POLR3B: variants seen among roughly 807,000 people sequenced by gnomAD.
POLR3B encodes RNA polymerase III subunit B, also known as DNA-directed RNA polymerase III subunit RPC2.
A neutral mutation model predicts 147.4 loss-of-function variants in POLR3B; 96 were observed. The ratio of observed to expected loss-of-function variants is 0.65; its 90% confidence interval spans 0.55 to 0.77. POLR3B has a LOEUF of 0.77. Ranked by LOEUF, POLR3B falls within the 30% of genes least tolerant of loss-of-function variation. The pLI is 0.00. For synonymous variants in POLR3B, 461 were observed against 485.9 expected, an observed-to-expected ratio of 0.95 and a Z score of 0.67; for missense variants, 1,036 against 1,413.5, an observed-to-expected ratio of 0.73 and a Z score of 4.28.
At chr12:106,490,023 G>A (rs1370834160) in intron 23 of POLR3B, among the ~76,000 whole-genome samples, 1 of 152,106 alleles carries the variant, frequency 6.6e-6, no homozygotes, top group African/African-American at 2.4e-5. Flanking sequence ...TATTAAATCA[G>A]GGTTTCTTCG....
At chr12:106,388,608 G>A (rs2036874900) in intron 9 of POLR3B, among the ~76,000 whole-genome samples, 1 of 152,180 alleles carries the variant, frequency 6.6e-6, no homozygotes, top group Non-Finnish European at 1.5e-5. Context: ...GAGCCAATGT[G>A]CCTGGCTGAA....
chr12:106,467,293 T>G (rs1242263321), intron 23 of POLR3B, among the ~76,000 whole-genome samples: 1 of 152,160 alleles, frequency 6.6e-6, no homozygotes, highest in Non-Finnish European at 1.5e-5. Flanking sequence ...GATTTTTGCA[T>G]ATTGATTTTG....
At chr12:106,366,355 T>G (rs995323491) in intron 2 of POLR3B, among the ~76,000 whole-genome samples, 161 bp from the exon 3 acceptor site, 1 of 152,232 alleles carries the variant, frequency 6.6e-6, no homozygotes, top group Admixed American at 6.5e-5. Flanking sequence ...TGAAAAGATT[T>G]ATTAAATAAA....
chr12:106,493,058 G>A (rs1290187353), intron 23 of POLR3B, among the ~76,000 whole-genome samples: 1 of 152,106 alleles, frequency 6.6e-6, no homozygotes, highest in African/African-American at 2.4e-5. Flanking sequence ...CTTGAGCCAG[G>A]GGATGAAATT....
intron 27 of POLR3B, among the ~76,000 whole-genome samples, chr12:106,506,431 A>G (rs976436966): frequency 1.3e-5 from 2 of 152,288 alleles, no homozygotes; most frequent in Non-Finnish European, 2.9e-5. Context: ...AAAAGAAAAC[A>G]GTCAACCCGA....
At chr12:106,485,861 A>G (rs1212393395) in intron 23 of POLR3B, among the ~76,000 whole-genome samples, 1 of 152,124 alleles carries the variant, frequency 6.6e-6, no homozygotes, top group African/African-American at 2.4e-5. Flanking sequence ...AAATTGAGGA[A>G]TCATTTGCAT....
At chr12:106,456,262 C>T (rs2037861964) in intron 20 of POLR3B, among the ~76,000 whole-genome samples, 1 of 152,070 alleles carries the variant, frequency 6.6e-6, no homozygotes, top group African/African-American at 2.4e-5. Context: ...TTTAGGGATT[C>T]AGTGGTTGAG....
intron 16 of POLR3B, among the ~76,000 whole-genome samples, chr12:106,435,560 C>T (rs2037566224): frequency 6.6e-6 from 1 of 152,058 alleles, no homozygotes; most frequent in Non-Finnish European, 1.5e-5. Context: ...TGTTTGAATC[C>T]TAACTTCCCA....
chr12:106,468,793 T>C (rs2137042460), intron 23 of POLR3B, among the ~76,000 whole-genome samples: 1 of 152,360 alleles, frequency 6.6e-6, no homozygotes, highest in East Asian at 1.9e-4. Flanking sequence ...TTGATTGTGC[T>C]GTGGTCTGAG....
At chr12:106,384,160 C>G (rs2036802511) in intron 9 of POLR3B, among the ~76,000 whole-genome samples, 1 of 151,870 alleles carries the variant, frequency 6.6e-6, no homozygotes, top group African/African-American at 2.4e-5. Flanking sequence ...GAAGCAGGGA[C>G]AAACCTTAAA....
intron 16 of POLR3B, among the ~76,000 whole-genome samples, chr12:106,436,696 A>T (rs1200612498): frequency 1.3e-5 from 2 of 152,192 alleles, no homozygotes; most frequent in African/African-American, 4.8e-5. Flanking sequence ...ACCGTTTTTT[A>T]AAATATGGCA....
intron 12 of POLR3B, among the ~76,000 whole-genome samples, chr12:106,419,687 A>T (rs2037348757): frequency 6.6e-6 from 1 of 152,074 alleles, no homozygotes; most frequent in African/African-American, 2.4e-5. Flanking sequence ...AAGGGAAAAA[A>T]CTAATAGAAT....
At chr12:106,380,181 C>G (rs1443036909) in intron 9 of POLR3B, 42 bp downstream of exon 9, 1 of 1,118,108 alleles carries the variant, frequency 8.9e-7, no homozygotes, top group African/African-American at 1.5e-5. Flanking sequence ...AGAATTCTTT[C>G]TCTGGTTTAT....
Position 106,509,542 on chromosome 12 carries a change from A to G in POLR3B, c.3395A>G (p.Asn1132Ser), listed in dbSNP as rs200967068. The G allele has an allele frequency of 3.1e-6, 5 of 1,612,408 alleles. No homozygotes were observed. The East Asian group carries it at 8.9e-5, about 29-fold the overall frequency. Residue 1132 changes from asparagine (N) to serine (S), a missense_variant, in exon 28 of 28, where the codon AAT (asparagine) becomes AGT (serine). Around this residue, in one of 12 missense-constraint regions of POLR3B, gnomAD observed 69 missense variants for 89.8 expected, o/e 0.77. Transcript: ENST00000228347. ...IIPRLKLSKY[N>S]E ...CCCAGGTTAAAACTGTCCAAGTACA[A>G]TGAATGAGGATGGAAAAAATGATTA...
At chr12:106,438,751 A>G (rs1051828247) in intron 18 of POLR3B, among the ~76,000 whole-genome samples, 1 of 152,222 alleles carries the variant, frequency 6.6e-6, no homozygotes, top group Admixed American at 6.5e-5. Context: ...GTATAAAAAT[A>G]TACTTACCTC....
intron 23 of POLR3B, among the ~76,000 whole-genome samples, chr12:106,492,832 A>G (rs2038425119): frequency 6.6e-6 from 1 of 152,154 alleles, no homozygotes; most frequent in South Asian, 2.1e-4. Flanking sequence ...TATTTTGTCG[A>G]TTGGGGTATT....
intron 11 of POLR3B, among the ~76,000 whole-genome samples, chr12:106,410,045 C>T (rs1250404090): frequency 6.6e-6 from 1 of 152,172 alleles, no homozygotes. Flanking sequence ...TTCATCTGTT[C>T]ATTCATTCGG....
intron 9 of POLR3B, among the ~76,000 whole-genome samples, chr12:106,392,505 A>C (rs932628653): frequency 6.6e-6 from 1 of 152,150 alleles, no homozygotes; most frequent in Non-Finnish European, 1.5e-5. Flanking sequence ...ACCTGCATGA[A>C]GTTTGGTTTG....
chr12:106,466,149 C>T (rs1399410551), intron 23 of POLR3B, among the ~76,000 whole-genome samples: 1 of 152,202 alleles, frequency 6.6e-6, no homozygotes, highest in Non-Finnish European at 1.5e-5. Flanking sequence ...GCCATTCTAA[C>T]TGGCATGAGA....
Sources: allele counts gnomAD v4.1 joint callset (sites outside exome capture counted in the v4.1 genomes callset), GRCh38; gene constraint gnomAD v4.1.1; regional missense constraint gnomAD v4.1.1; transcripts MANE v1.5; gene names NCBI Gene and HGNC (gene_info 2026-07-23, HGNC 2026-07-21).